INSYN2B: variants seen among roughly 807,000 people sequenced by gnomAD.
INSYN2B encodes the protein inhibitory synaptic factor family member 2B.
A neutral mutation model predicts 41.2 loss-of-function variants in INSYN2B; 16 were observed. That is an observed-to-expected ratio of 0.39 (90% CI 0.26 to 0.59). INSYN2B has a LOEUF of 0.59. Ranked by LOEUF, INSYN2B falls within the 20% of genes least tolerant of loss-of-function variation. The pLI is 0.57. For missense variants in INSYN2B, 608 were observed against 646.4 expected (o/e 0.94, Z 0.64); for synonymous variants, 245 against 244.4 (o/e 1.00, Z -0.02).
At chr5:169,967,046 C>T (rs930025710) in intron 1 of INSYN2B, among the ~76,000 whole-genome samples, 1 of 152,148 alleles carries the variant, frequency 6.6e-6, no homozygotes, top group Non-Finnish European at 1.5e-5. Flanking sequence ...GAAGTACCTC[C>T]TATGTGCCAG....
At chr5:169,979,027 A>T (rs1458876508) in intron 1 of INSYN2B, among the ~76,000 whole-genome samples, 1 of 152,220 alleles carries the variant, frequency 6.6e-6, no homozygotes, top group African/African-American at 2.4e-5. Context: ...CCATCCTGGC[A>T]TGCTGCTTGG....
intron 1 of INSYN2B, among the ~76,000 whole-genome samples, chr5:169,915,094 T>C (rs577848384): frequency 3.9e-5 from 6 of 152,290 alleles, no homozygotes; most frequent in Non-Finnish European, 8.8e-5. Context: ...TAGGCCTTGA[T>C]GTTGAGGCCC....
At chr5:169,976,593 A>T (rs998210745) in intron 1 of INSYN2B, among the ~76,000 whole-genome samples, 1 of 152,242 alleles carries the variant, frequency 6.6e-6, no homozygotes, top group Non-Finnish European at 1.5e-5. Context: ...AAAAGAAAAA[A>T]AAGAAGAAAA....
intron 1 of INSYN2B, among the ~76,000 whole-genome samples, chr5:169,925,425 C>G (rs990522976): frequency 5.9e-5 from 9 of 151,886 alleles, no homozygotes; most frequent in Non-Finnish European, 8.8e-5. Flanking sequence ...ACTAAAATTA[C>G]AAAAATTAAC....
chr5:169,891,555 G>A (rs577908612), intron 1 of INSYN2B, among the ~76,000 whole-genome samples: 4 of 152,230 alleles, frequency 2.6e-5, no homozygotes, highest in Admixed American at 2.0e-4. Context: ...ATAAAGTGGA[G>A]TTGTTCTAGA....
chr5:169,875,468 G>C, intron 3 of INSYN2B: 1 of 346,726 alleles, frequency 2.9e-6, no homozygotes, highest in Non-Finnish European at 5.8e-6. Context: ...ATATCCTTCA[G>C]ATGAGTCTGG....
At position 169,971,962 on chromosome 5, in the gene INSYN2B, C is replaced by T. The variant is rs1777523125; in HGVS notation, c.-919+8315G>A. 2.0e-5 allele frequency among the ~76,000 whole-genome samples: 3 copies of T among 152,090 alleles called. 1 individual carries two copies. In the South Asian group the frequency reaches 6.2e-4, roughly 32 times the overall value. ...ATTTCTCAGTATATATACTACCACT[C>T]CCTGCCCTTGCCCATGGCAGACATC... On this transcript the variant is annotated intron_variant, in intron 1 of 3. Transcript: ENST00000377365.
intron 1 of INSYN2B, among the ~76,000 whole-genome samples, chr5:169,927,242 A>G (rs1775505615): frequency 1.3e-5 from 2 of 152,204 alleles, no homozygotes; most frequent in South Asian, 4.1e-4. Flanking sequence ...CTTCAGATGA[A>G]TTCGGAGAGG....
rs1233515629 is a variant in INSYN2B, at chr5:169,882,682, C to T, written c.1217G>A (p.Arg406Gln). Residue 406 changes from arginine to glutamine, a missense_variant, in exon 2 of 4, where the codon CGG (arginine) becomes CAG (glutamine). Transcript: ENST00000377365. ...GCCTTGGAGGTCGCAGAGTTCACCC[C>T]GTGCCAGGTGAATTTGATTAATGTC... is the stretch of plus-strand genomic sequence containing the variant. ...ISDINQIHLARGELCDLQGRL... is the reference protein window; with the variant it reads ...ISDINQIHLAQGELCDLQGRL... 1.7e-5 allele frequency: 27 copies of T among 1,551,934 alleles called. No homozygotes were observed. Among genetic ancestry groups the T allele is most frequent in the Non-Finnish European group, 2.1e-5 (24 of 1,147,052 alleles).
At chr5:169,979,747 G>A (rs1009178208) in intron 1 of INSYN2B, among the ~76,000 whole-genome samples, 3 of 152,154 alleles carry the variant, frequency 2.0e-5, no homozygotes, top group African/African-American at 4.8e-5. Context: ...GCACGCAACC[G>A]GGTTTTTCTA....
chr5:169,898,737 T>A (rs1773756923), intron 1 of INSYN2B, among the ~76,000 whole-genome samples: 1 of 152,184 alleles, frequency 6.6e-6, no homozygotes, highest in South Asian at 2.1e-4. Context: ...ACTCTACCGT[T>A]GTAGCCTGAA....
At chr5:169,971,003 G>T (rs772207357) in intron 1 of INSYN2B, among the ~76,000 whole-genome samples, 2 of 152,098 alleles carry the variant, frequency 1.3e-5, no homozygotes, top group Non-Finnish European at 2.9e-5. Flanking sequence ...AGCGGGGGGA[G>T]GACCTGCGTT....
intron 3 of INSYN2B, among the ~76,000 whole-genome samples, chr5:169,874,155 G>A (rs1772163048): frequency 6.6e-6 from 1 of 152,144 alleles, no homozygotes; most frequent in South Asian, 2.1e-4. Context: ...GCTCATGCCT[G>A]TAATCCCAAC....
At chr5:169,921,375 G>T (rs968326771) in intron 1 of INSYN2B, among the ~76,000 whole-genome samples, 15 of 152,254 alleles carry the variant, frequency 9.9e-5, no homozygotes, top group African/African-American at 3.6e-4. Flanking sequence ...TCTCAGCATA[G>T]GGGTCTTCCA....
intron 1 of INSYN2B, among the ~76,000 whole-genome samples, chr5:169,927,079 A>G (rs550666470): frequency 6.6e-6 from 1 of 152,362 alleles, no homozygotes; most frequent in African/African-American, 2.4e-5. Flanking sequence ...CTTCATAAAT[A>G]TGCTACATGA....
At chr5:169,869,634 T>G (rs1214492651) in intron 3 of INSYN2B, among the ~76,000 whole-genome samples, 1 of 152,210 alleles carries the variant, frequency 6.6e-6, no homozygotes, top group Admixed American at 6.5e-5. Flanking sequence ...AGAAGATGCA[T>G]TTCTACTTCT....
At chr5:169,891,830 T>C (rs1233816025) in intron 1 of INSYN2B, among the ~76,000 whole-genome samples, 1 of 151,550 alleles carries the variant, frequency 6.6e-6, no homozygotes, top group Non-Finnish European at 1.5e-5. Context: ...ACATCTCTAC[T>C]AAAAATACAA....
chr5:169,882,497 G>C, intron 2 of INSYN2B, 56 bp downstream of exon 2: 1 of 1,417,660 alleles, frequency 7.1e-7, no homozygotes, highest in Non-Finnish European at 9.5e-7. Context: ...CTCTGCCCCT[G>C]TGTTGGCAAA....
chr5:169,945,788 C>T (rs900121601), intron 1 of INSYN2B, among the ~76,000 whole-genome samples: 5 of 152,238 alleles, frequency 3.3e-5, no homozygotes, highest in Non-Finnish European at 5.9e-5. Context: ...CAGCCAGCAC[C>T]TCTGGCTTTT....
Sources: gnomAD v4.1 joint callset for allele counts (sites outside exome capture counted in the v4.1 genomes callset) on GRCh38, gnomAD v4.1.1 for gene constraint, MANE v1.5 for transcripts, NCBI Gene and HGNC (gene_info 2026-07-23, HGNC 2026-07-21) for gene names.